ITGA9: variants seen among roughly 807,000 people sequenced by gnomAD.
The protein encoded by ITGA9 is integrin alpha-9.
A neutral mutation model predicts 127.8 loss-of-function variants in ITGA9; 56 were observed. The observed-to-expected ratio is 0.44, with a 90% CI of 0.35 to 0.55. The LOEUF (loss-of-function observed/expected upper bound fraction) is 0.55, where lower values mean the gene tolerates loss of function less well. Ranked by LOEUF, ITGA9 falls within the 20% of genes least tolerant of loss-of-function variation. The pLI, the probability that ITGA9 is intolerant of heterozygous loss-of-function variation, is 0.00. For synonymous variants in ITGA9, 508 were observed against 514.5 expected (o/e 0.99, Z 0.17); for missense variants, 1,196 against 1,347.1 (o/e 0.89, Z 1.76).
At chr3:37,455,662 T>G (rs1271986292) in intron 1 of ITGA9, among the ~76,000 whole-genome samples, 2 of 152,238 alleles carry the variant, frequency 1.3e-5, no homozygotes, top group Non-Finnish European at 2.9e-5. Context: ...TACGTCTCTC[T>G]TCTCGAAGAA....
chr3:37,679,174 AG>A (rs1203097654), intron 17 of ITGA9, among the ~76,000 whole-genome samples: 1 of 152,090 alleles, frequency 6.6e-6, no homozygotes, highest in Non-Finnish European at 1.5e-5. Flanking sequence ...CCATGTACAA[AG>A]TAATATAACC....
At chr3:37,739,824 C>T (rs752293884) in intron 20 of ITGA9, among the ~76,000 whole-genome samples, 12 of 150,622 alleles carry the variant, frequency 8.0e-5, no homozygotes, top group East Asian at 2.0e-4. Flanking sequence ...GGGGTGGGGG[C>T]GGGAGTGGGC....
intron 3 of ITGA9, among the ~76,000 whole-genome samples, chr3:37,479,949 C>A (rs561741756): frequency 1.4e-4 from 22 of 152,208 alleles, no homozygotes; most frequent in Admixed American, 9.8e-4. Flanking sequence ...TTATCACTTA[C>A]GAAAACAATG....
chr3:37,467,861 C>A (rs140059563), intron 1 of ITGA9, among the ~76,000 whole-genome samples: 1 of 152,288 alleles, frequency 6.6e-6, no homozygotes, highest in East Asian at 1.9e-4. Flanking sequence ...ACTGCTAATT[C>A]TTCTCACCTG....
chr3:37,494,365 C>G, intron 4 of ITGA9, 136 bp from the exon 5 acceptor site: 1 of 714,754 alleles, frequency 1.4e-6, no homozygotes, highest in Non-Finnish European at 2.6e-6. Flanking sequence ...TTCCTCACCC[C>G]AGTCTGGATG....
chr3:37,732,588 A>T, intron 18 of ITGA9, 124 bp from the exon 19 acceptor site: 1 of 753,288 alleles, frequency 1.3e-6, no homozygotes, highest in South Asian at 1.5e-5. Context: ...TGGTCAGGGC[A>T]TCTCGTCCCA....
chr3:37,461,790 A>G (rs1422979560), intron 1 of ITGA9, among the ~76,000 whole-genome samples: 4 of 152,094 alleles, frequency 2.6e-5, no homozygotes, highest in Non-Finnish European at 5.9e-5. Flanking sequence ...TTAAATGGAG[A>G]TCTTTGGGAT....
rs747154358 is a variant in ITGA9, at chr3:37,471,019, C to T, written c.198C>T (p.Gly66=). The T allele has an allele frequency of 3.3e-5, 53 of 1,613,900 alleles. No homozygotes were observed. The highest frequency in any genetic ancestry group is 1.6e-4 in the East Asian group (7 of 44,888). ...FHDNTRWVLV[G]APKADSKYSP... ...TCTCTTGCTGCAGGGTCCTTGTGGGCGCACCAAAGGCAGATTCCAAATACA... is the reference window on the plus strand; with the variant it reads ...TCTCTTGCTGCAGGGTCCTTGTGGGTGCACCAAAGGCAGATTCCAAATACA... The change falls in exon 2 of 28, where the codon GGC becomes GGT. Residue 66 remains glycine (G), a synonymous_variant. Transcript: ENST00000264741.
At chr3:37,690,359 T>G (rs964845809) in intron 18 of ITGA9, among the ~76,000 whole-genome samples, 3 of 152,208 alleles carry the variant, frequency 2.0e-5, no homozygotes, top group South Asian at 2.1e-4. Flanking sequence ...AGAAATCTGA[T>G]GCCTGCTGTT....
intron 5 of ITGA9, among the ~76,000 whole-genome samples, chr3:37,497,373 A>G (rs1698742408): frequency 6.6e-6 from 1 of 151,620 alleles, no homozygotes; most frequent in African/African-American, 2.4e-5. Flanking sequence ...TCTCTTAAGA[A>G]GGTTATTCCT....
At chr3:37,573,021 G>T (rs962751952) in intron 15 of ITGA9, 2 of 152,164 alleles carry the variant, frequency 1.3e-5, no homozygotes, top group Non-Finnish European at 2.9e-5. Context: ...TTTAATCCCT[G>T]AAGTGGTCTC....
intron 13 of ITGA9, among the ~76,000 whole-genome samples, chr3:37,529,068 G>A (rs970978724): frequency 1.4e-4 from 22 of 152,300 alleles, no homozygotes; most frequent in African/African-American, 5.3e-4. Context: ...ATTCGTTCAT[G>A]TTGGTGTGTT....
intron 18 of ITGA9, among the ~76,000 whole-genome samples, chr3:37,713,283 C>T (rs192819008): frequency 5.4e-4 from 82 of 152,290 alleles, no homozygotes; most frequent in African/African-American, 1.7e-3. Context: ...TGTGACCTTT[C>T]CTTTCACCTT....
chr3:37,790,360 G>C, intron 26 of ITGA9: 1 of 515,994 alleles, frequency 1.9e-6, no homozygotes, highest in Non-Finnish European at 3.9e-6. Flanking sequence ...CCTGGGAGCA[G>C]GAGAGGGCTT....
chr3:37,474,322 A>G (rs2125554950), intron 3 of ITGA9, among the ~76,000 whole-genome samples: 1 of 152,334 alleles, frequency 6.6e-6, no homozygotes, highest in Middle Eastern at 3.4e-3. Flanking sequence ...TATTAGCCAC[A>G]TTTAAGTGGC....
chr3:37,460,546 C>A (rs1370704531), intron 1 of ITGA9, among the ~76,000 whole-genome samples: 1 of 151,376 alleles, frequency 6.6e-6, no homozygotes, highest in Non-Finnish European at 1.5e-5. Flanking sequence ...AACAAAATAT[C>A]TCATGTACCT....
chr3:37,557,759 A>G (rs1386390634), intron 15 of ITGA9, among the ~76,000 whole-genome samples: 1 of 152,242 alleles, frequency 6.6e-6, no homozygotes, highest in Non-Finnish European at 1.5e-5. Context: ...TACATATGTT[A>G]ATATGTGATT....
At chr3:37,620,637 A>G (rs1256090628) in intron 15 of ITGA9, among the ~76,000 whole-genome samples, 2 of 152,206 alleles carry the variant, frequency 1.3e-5, no homozygotes, top group Non-Finnish European at 2.9e-5. Context: ...ACTGGCTGAC[A>G]TCAAAGTTGT....
chr3:37,542,620 G>T, intron 15 of ITGA9, 35 bp downstream of exon 15: 1 of 1,606,992 alleles, frequency 6.2e-7, no homozygotes, highest in Non-Finnish European at 8.5e-7. Flanking sequence ...CTCAAACTTT[G>T]ATCTCTGCAG....
Sources: gnomAD v4.1 joint callset for allele counts (sites outside exome capture counted in the v4.1 genomes callset) on GRCh38, gnomAD v4.1.1 for gene constraint, MANE v1.5 for transcripts, NCBI Gene and HGNC (gene_info 2026-07-23, HGNC 2026-07-21) for gene names.